Variants in TXNRD3 observed in about 807,000 individuals in gnomAD.
TXNRD3 encodes the protein TXNRD3 neighbor gene protein.
In TXNRD3, 68 loss-of-function variants were observed where a neutral mutation model predicts 78.2. The observed-to-expected ratio is 0.87, with a 90% CI of 0.72 to 1.06. TXNRD3 has a LOEUF of 1.06. TXNRD3 is among the 50% of genes least tolerant of loss of function. The probability of loss-of-function intolerance (pLI) is 0.00; values close to 1 mark genes in which losing one functional copy is unlikely to be tolerated. For missense variants in TXNRD3, 751 were observed against 809.5 expected, an observed-to-expected ratio of 0.93 and a Z score of 0.88; for synonymous variants, 296 against 300.1, an observed-to-expected ratio of 0.99 and a Z score of 0.14.
chr3:126,654,347 G>A (rs1171215170), intron 1 of TXNRD3, among the ~76,000 whole-genome samples: 1 of 152,144 alleles, frequency 6.6e-6, no homozygotes, highest in African/African-American at 2.4e-5. Context: ...CCAAAGGCTC[G>A]TTTCTAAGTG....
intron 12 of TXNRD3, among the ~76,000 whole-genome samples, chr3:126,620,425 T>A (rs1938424675): frequency 6.6e-6 from 1 of 152,156 alleles, no homozygotes; most frequent in South Asian, 2.1e-4. Flanking sequence ...GTAAACATCC[T>A]TGTACTTAGG....
At chr3:126,635,139 A>G (rs1159968478) in intron 6 of TXNRD3, among the ~76,000 whole-genome samples, 1 of 152,176 alleles carries the variant, frequency 6.6e-6, no homozygotes, top group African/African-American at 2.4e-5. Flanking sequence ...CACATCCTAA[A>G]GATACTTCCT....
intron 5 of TXNRD3, 38 bp downstream of exon 5, chr3:126,643,943 T>C (rs1933156339): frequency 6.6e-7 from 1 of 1,507,888 alleles, no homozygotes; most frequent in South Asian, 1.2e-5. Flanking sequence ...ACAACATATG[T>C]AAAGAGCAGA....
chr3:126,633,279 C>T (rs1057426656), intron 7 of TXNRD3, among the ~76,000 whole-genome samples: 1 of 152,076 alleles, frequency 6.6e-6, no homozygotes, highest in African/African-American at 2.4e-5. Flanking sequence ...ATGGACCATA[C>T]CTCACACATT....
chr3:126,650,213 C>G (rs1421839497), intron 1 of TXNRD3, among the ~76,000 whole-genome samples: 1 of 152,226 alleles, frequency 6.6e-6, no homozygotes, highest in Non-Finnish European at 1.5e-5. Flanking sequence ...GACTTTCCAA[C>G]TAGTCTAGCT....
intron 6 of TXNRD3, among the ~76,000 whole-genome samples, chr3:126,638,674 G>T (rs746301332): frequency 2.6e-5 from 4 of 152,090 alleles, no homozygotes; most frequent in Non-Finnish European, 5.9e-5. Flanking sequence ...ATGGAGGAAC[G>T]CAGTGAGCTG....
At chr3:126,632,771 A>C (rs1938753380) in intron 7 of TXNRD3, among the ~76,000 whole-genome samples, 1 of 152,180 alleles carries the variant, frequency 6.6e-6, no homozygotes, top group Admixed American at 6.5e-5. Context: ...GGTTGGCATC[A>C]TGAGTGGGAT....
At chr3:126,651,111 T>C (rs1933377257) in intron 1 of TXNRD3, among the ~76,000 whole-genome samples, 1 of 152,142 alleles carries the variant, frequency 6.6e-6, no homozygotes, top group Non-Finnish European at 1.5e-5. Context: ...TAAGAACATA[T>C]GTGGAATATG....
chr3:126,636,576 T>A (rs918452546), intron 6 of TXNRD3, among the ~76,000 whole-genome samples: 2 of 152,206 alleles, frequency 1.3e-5, no homozygotes, highest in African/African-American at 4.8e-5. Context: ...GCTGATTCTG[T>A]GCACTCCTGC....
rs1462928042 is a variant in TXNRD3 at position 126,624,373 on chromosome 3, A to G, written c.1291-1833T>C. The stretch of plus-strand genomic sequence containing the variant: ...ATGTGGTACTGGGGAAAGGACAGAC[A>G]AACGGTCTATGAGAAGAGCACAGAA... On this transcript the variant is annotated intron_variant, in intron 10 of 15. Coordinates refer to ENST00000524230, the MANE Select transcript of TXNRD3 (RefSeq NM_052883.3). 3.3e-5 allele frequency among the ~76,000 whole-genome samples: 5 copies of G among 152,182 alleles called. No homozygotes were observed. In the East Asian group the frequency reaches 9.6e-4, roughly 29 times the overall value.
intron 12 of TXNRD3, among the ~76,000 whole-genome samples, chr3:126,616,755 G>C (rs1257848727): frequency 1.3e-5 from 2 of 151,972 alleles, no homozygotes; most frequent in African/African-American, 2.4e-5. Flanking sequence ...TCTATTCTTT[G>C]TTACCCCAAA....
chr3:126,638,096 A>G (rs1200021465), intron 6 of TXNRD3, among the ~76,000 whole-genome samples: 1 of 151,676 alleles, frequency 6.6e-6, no homozygotes, highest in Non-Finnish European at 1.5e-5. Context: ...GGCGCATGCC[A>G]CCATGCCTGG....
chr3:126,619,538 T>C (rs1200795476), intron 12 of TXNRD3, among the ~76,000 whole-genome samples: 1 of 152,038 alleles, frequency 6.6e-6, no homozygotes. Flanking sequence ...AGTAGAATTG[T>C]GGTTATTAGA....
chr3:126,645,927 G>A (rs576322016), intron 3 of TXNRD3, among the ~76,000 whole-genome samples, 184 bp downstream of exon 3: 1 of 152,182 alleles, frequency 6.6e-6, no homozygotes, highest in African/African-American at 2.4e-5. Flanking sequence ...AGCTTCTGAA[G>A]TTCAGGCTGG....
Position 126,633,888 on chromosome 3 carries a change from G to C in TXNRD3, c.855+21C>G, listed in dbSNP as rs190503908. ...AATTGTAAAGAAAGGAGATGAACAAGACAAGAAACTCAAGCACTACCTTTA... is the reference window on the plus strand; with the variant it reads ...AATTGTAAAGAAAGGAGATGAACAACACAAGAAACTCAAGCACTACCTTTA... On this transcript the variant is annotated intron_variant, in intron 7 of 15. Transcript: ENST00000524230. 2.7e-3 allele frequency: 3,875 copies of C among 1,457,284 alleles called. 16 individuals are homozygous for C. The highest frequency in any genetic ancestry group is 6.7e-3 in the South Asian group (464 of 68,876). The allele number at this position is 1,457,284 out of a possible 1,614,324, so 90.3% of individuals were successfully genotyped here. A position where few individuals can be genotyped will look rare whatever the true frequency, so the allele number is the denominator to read the frequency against.
At chr3:126,615,907 CT>C (rs1442072705) in intron 12 of TXNRD3, among the ~76,000 whole-genome samples, 1 of 152,198 alleles carries the variant, frequency 6.6e-6, no homozygotes, top group African/African-American at 2.4e-5. Context: ...CCTTATGCCA[CT>C]GAGAGGTGAG....
In TXNRD3 at chr3:126,615,546, T is replaced by C. The variant is rs143116713; in HGVS notation, c.1525-84A>G. On this transcript the variant is annotated intron_variant, in intron 12 of 15. Coordinates refer to ENST00000524230, the MANE Select transcript of TXNRD3 (RefSeq NM_052883.3). Reference sequence around the variant, plus strand: ...ATTGCATATATTTATATAAAGAAAATAAATCAGTCCAGTTCAGTGTAACCA... The same window carrying C: ...ATTGCATATATTTATATAAAGAAAACAAATCAGTCCAGTTCAGTGTAACCA... 92 of 668,386 alleles carry C rather than the reference T, an allele frequency of 1.4e-4. No homozygotes were observed. In the African/African-American group the frequency reaches 1.5e-3, roughly 11 times the overall value. The allele number at this position is 668,386 out of a possible 1,614,324, so 41.4% of individuals were successfully genotyped here. A position where few individuals can be genotyped will look rare whatever the true frequency, so the allele number is the denominator to read the frequency against.
chr3:126,607,863 G>C lies in TXNRD3; in HGVS notation c.*42C>G. On this transcript the variant is annotated 3_prime_UTR_variant, in exon 16 of 16. Transcript: ENST00000524230. Reference sequence around the variant, plus strand: ...TATCCGAGAGCATTCTTATCTTTGAGAGAAATGAGAATATGACAAGGAGAA... The same window carrying C: ...TATCCGAGAGCATTCTTATCTTTGACAGAAATGAGAATATGACAAGGAGAA... 1 of 1,440,546 alleles carries C rather than the reference G, an allele frequency of 6.9e-7. No homozygotes were observed. Among genetic ancestry groups the C allele is most frequent in the Non-Finnish European group, 9.3e-7 (1 of 1,073,286 alleles). 89.2% of individuals were successfully genotyped at this position (1,440,546 alleles called of 1,614,324 possible).
At chr3:126,621,977 A>G (rs1938468195) in intron 11 of TXNRD3, 79 bp from the exon 12 acceptor site, 1 of 1,180,932 alleles carries the variant, frequency 8.5e-7, no homozygotes, top group Non-Finnish European at 1.1e-6. Context: ...ATTAGCCAAA[A>G]GACTAAATAC....
Sources: allele counts gnomAD v4.1 joint callset (sites outside exome capture counted in the v4.1 genomes callset), GRCh38; gene constraint gnomAD v4.1.1; transcripts MANE v1.5; gene names NCBI Gene and HGNC (gene_info 2026-07-23, HGNC 2026-07-21).